EIF5A: variants seen among roughly 807,000 people sequenced by gnomAD.
EIF5A encodes eukaryotic translation initiation factor 5A-1.
In EIF5A, 1 loss-of-function variant was observed where a neutral mutation model predicts 16.6. The ratio of observed to expected loss-of-function variants is 0.06; its 90% CI spans 0.02 to 0.28. The LOEUF (loss-of-function observed/expected upper bound fraction) is 0.28. EIF5A is among the 10% of genes least tolerant of loss of function. The pLI is 1.00. For synonymous variants in EIF5A, 80 were observed against 73.6 expected (o/e 1.09, Z -0.44); for missense variants, 29 against 196.1 (o/e 0.15, Z 5.09).
chr17:7,311,275 T>C, intron 3 of EIF5A, 75 bp from the exon 4 acceptor site: 4 of 1,609,868 alleles, frequency 2.5e-6, no homozygotes, highest in Non-Finnish European at 3.4e-6. Flanking sequence ...GTCCAGTTTG[T>C]CTATCAGAGC....
upstream of EIF5A, chr17:7,307,551 G>A (rs1318156223): frequency 5.2e-5 from 52 of 1,008,796 alleles, no homozygotes; most frequent in Non-Finnish European, 6.0e-5. Context: ...CGGGGGTGGA[G>A]GGCGGAGGAG....
chr17:7,308,033 G>C, intron 1 of EIF5A: 1 of 985,580 alleles, frequency 1.0e-6, no homozygotes, highest in Non-Finnish European at 1.2e-6. Flanking sequence ...CCACGCCGGG[G>C]CGAGGGCCAG....
chr17:7,307,541 CG>C, upstream of EIF5A: 1 of 973,434 alleles, frequency 1.0e-6, no homozygotes, highest in Non-Finnish European at 1.2e-6. Context: ...TTGCGCAGTG[CG>C]GGGGTGGAGG....
chr17:7,310,933 C>T (rs192277946), intron 2 of EIF5A, 85 bp from the exon 3 acceptor site: 3 of 1,495,282 alleles, frequency 2.0e-6, no homozygotes, highest in Admixed American at 4.4e-5. Context: ...ATTCTGACTT[C>T]CCTCATCAGG....
At chr17:7,309,950 C>G in intron 2 of EIF5A, 150 bp downstream of exon 2, 3 of 1,551,672 alleles carry the variant, frequency 1.9e-6, no homozygotes, top group Non-Finnish European at 1.7e-6. Flanking sequence ...CATACCCATT[C>G]AGACAACTAC....
chr17:7,309,930 G>T (rs137980611), intron 2 of EIF5A, 130 bp downstream of exon 2: 2 of 1,579,830 alleles, frequency 1.3e-6, no homozygotes, highest in Non-Finnish European at 8.6e-7. Context: ...TTTGTTTAGC[G>T]CTCAGCCTTC....
At chr17:7,310,821 A>AC in intron 2 of EIF5A, 197 bp from the exon 3 acceptor site, 1 of 985,212 alleles carries the variant, frequency 1.0e-6, no homozygotes, top group Non-Finnish European at 1.2e-6. Context: ...CCCAATCTCA[A>AC]CGGTGGTTTT....
intron 1 of EIF5A, among the ~76,000 whole-genome samples, chr17:7,309,089 C>T (rs1202643558): frequency 2.6e-5 from 4 of 151,574 alleles, no homozygotes; most frequent in Non-Finnish European, 5.9e-5. Flanking sequence ...CCCAAAGAGG[C>T]CTTGTGGTTT....
chr17:7,311,235 G>C (rs1166405169), intron 3 of EIF5A, 113 bp downstream of exon 3: 2 of 1,581,154 alleles, frequency 1.3e-6, no homozygotes, highest in African/African-American at 2.7e-5. Context: ...GAAATGGCAG[G>C]AGAGGGTGTT....
chr17:7,310,256 C>T (rs1399407676), intron 2 of EIF5A: 8 of 1,289,572 alleles, frequency 6.2e-6, no homozygotes, highest in Non-Finnish European at 8.1e-6. Flanking sequence ...CTGCTTCGTT[C>T]CCCAGTTCTA....
chr17:7,310,088 T>C (rs1314273174), intron 2 of EIF5A: 1 of 1,400,766 alleles, frequency 7.1e-7, no homozygotes, highest in African/African-American at 1.4e-5. Context: ...GCTCTAGCTA[T>C]TCAGTTGCTC....
intron 2 of EIF5A, chr17:7,310,408 G>A: frequency 8.5e-7 from 1 of 1,183,056 alleles, no homozygotes; most frequent in African/African-American, 1.6e-5. Context: ...GACTTTTCCT[G>A]TCTCTTTAGA....
intron 1 of EIF5A, chr17:7,308,250 C>T (rs1372976569): frequency 5.8e-6 from 6 of 1,038,940 alleles, no homozygotes; most frequent in Non-Finnish European, 7.1e-6. Context: ...GTGCCCCCCA[C>T]GGGAGGCTGC....
chr17:7,308,641 C>A, intron 1 of EIF5A: 1 of 1,316,898 alleles, frequency 7.6e-7, no homozygotes, highest in Non-Finnish European at 1.0e-6. Flanking sequence ...GGACAGGAGC[C>A]CAACTTTTCT....
chr17:7,308,716 C>T (rs1301938709), intron 1 of EIF5A: 3 of 615,972 alleles, frequency 4.9e-6, no homozygotes, highest in Admixed American at 6.7e-5. Flanking sequence ...GATAGGCGTT[C>T]TTCACCTTGT....
intron 1 of EIF5A, among the ~76,000 whole-genome samples, chr17:7,309,069 G>C (rs2072730366): frequency 6.6e-6 from 1 of 152,028 alleles, no homozygotes; most frequent in African/African-American, 2.4e-5. Flanking sequence ...TGTTGGCGAG[G>C]CGGGAATCCC....
chr17:7,308,975 T>C (rs552554799), intron 1 of EIF5A, among the ~76,000 whole-genome samples: 2 of 152,266 alleles, frequency 1.3e-5, no homozygotes, highest in South Asian at 2.1e-4. Context: ...TGGGTTCTCT[T>C]TGGGAACCAA....
intron 1 of EIF5A, chr17:7,308,444 G>A: frequency 7.5e-7 from 1 of 1,331,832 alleles, no homozygotes; most frequent in Non-Finnish European, 9.9e-7. Context: ...ATTTTGAGGA[G>A]TGGAAGCCGG....
upstream of EIF5A, chr17:7,307,118 G>C (rs554635356): frequency 6.9e-6 from 11 of 1,595,040 alleles, no homozygotes; most frequent in Admixed American, 1.0e-4. Flanking sequence ...TGAAACGTGT[G>C]AGTCGTTTAA....
Sources: allele counts gnomAD v4.1 joint callset (sites outside exome capture counted in the v4.1 genomes callset), GRCh38; gene constraint gnomAD v4.1.1; transcripts MANE v1.5; gene names NCBI Gene and HGNC (gene_info 2026-07-23, HGNC 2026-07-21).